The following PTK7 variants were observed in gnomAD, a reference collection of about 807,000 sequenced individuals.
PTK7 encodes protein tyrosine kinase 7 (inactive), also known as inactive tyrosine-protein kinase 7.
In PTK7, 39 loss-of-function variants were observed where a neutral mutation model predicts 116.6. That is an observed-to-expected ratio of 0.33 (90% confidence interval 0.26 to 0.44). PTK7 has a LOEUF of 0.44. Among genes scored for constraint, PTK7 ranks in the 20% least tolerant of loss-of-function variants. PTK7 has a pLI of 1.00. For synonymous variants in PTK7, 546 were observed against 563.6 expected, an observed-to-expected ratio of 0.97 and a Z score of 0.44; for missense variants, 1,169 against 1,425.6, an observed-to-expected ratio of 0.82 and a Z score of 2.90.
intron 1 of PTK7, among the ~76,000 whole-genome samples, chr6:43,078,668 C>T (rs966734891): frequency 6.6e-6 from 1 of 152,112 alleles, no homozygotes; most frequent in Non-Finnish European, 1.5e-5. Flanking sequence ...TGGATTAGAC[C>T]ATTTTAAAGT....
chr6:43,141,443 C>T lies in PTK7; in HGVS notation c.1619-225C>T, dbSNP rs1423953789. ...CCCAAACAGAGTCCGGTTTGGCAGACGTGGAATGTCACACAGGGCAGTAGG... is the reference window on the plus strand; with the variant it reads ...CCCAAACAGAGTCCGGTTTGGCAGATGTGGAATGTCACACAGGGCAGTAGG... On this transcript the variant is annotated intron_variant, in intron 10 of 19. Coordinates refer to ENST00000230419, the MANE Select transcript of PTK7 (RefSeq NM_002821.5). The surrounding 1 kb of genome is among the most constrained non-coding windows in gnomAD (Gnocchi z 4.9). Among the ~76,000 whole-genome samples, 1 of 151,934 alleles carries T rather than the reference C, an allele frequency of 6.6e-6. No homozygotes were observed. Among genetic ancestry groups the T allele is most frequent in the East Asian group, 1.9e-4 (1 of 5,172 alleles).
At chr6:43,112,810 T>C (rs1768266950) in intron 1 of PTK7, among the ~76,000 whole-genome samples, 1 of 152,104 alleles carries the variant, frequency 6.6e-6, no homozygotes, top group East Asian at 1.9e-4. Flanking sequence ...GTGGCTGGCA[T>C]CAAAGTCAAA....
rs1002650327 is a variant in PTK7, at chr6:43,129,513, G to A, written c.368-214G>A. The A allele has an allele frequency of 2.1e-5, 15 of 703,446 alleles. No homozygotes were observed. The highest frequency in any genetic ancestry group is 4.0e-4 in the Middle Eastern group (1 of 2,520). The allele number at this position is 703,446 out of a possible 1,614,324, so 43.6% of individuals were successfully genotyped here. A position where few individuals can be genotyped will look rare whatever the true frequency, so the allele number is the denominator to read the frequency against. Reference sequence around the variant, plus strand: ...GCTTGTGCAAATGGAAAGGGCGGCCGAGCCCTTGGCCAAGTGTCAGACTTG... The same window carrying A: ...GCTTGTGCAAATGGAAAGGGCGGCCAAGCCCTTGGCCAAGTGTCAGACTTG... On this transcript the variant is annotated intron_variant, in intron 2 of 19. Transcript: ENST00000230419. The surrounding 1 kb of genome is among the most constrained non-coding windows in gnomAD (Gnocchi z 4.5).
intron 17 of PTK7, among the ~76,000 whole-genome samples, chr6:43,151,121 A>C (rs1171207983): frequency 6.6e-6 from 1 of 151,666 alleles, no homozygotes; most frequent in Non-Finnish European, 1.5e-5. Context: ...GTGCCCAGCC[A>C]GACTCTGCTT....
In PTK7 at chr6:43,145,478, G is replaced by T. The variant is rs1032167982; in HGVS notation, c.2640+46G>T. 4 of 1,454,600 alleles carry T rather than the reference G, an allele frequency of 2.7e-6. No homozygotes were observed. In the African/African-American group the frequency reaches 5.6e-5, roughly 20 times the overall value. The allele number at this position is 1,454,600 out of a possible 1,614,324, so 90.1% of individuals were successfully genotyped here. A position where few individuals can be genotyped will look rare whatever the true frequency, so the allele number is the denominator to read the frequency against. ...GTGGGGGTCTCGGGTAGGGAGGGCA[G>T]TGTCCTACAAAGGTGGGAGTCAGTG... On this transcript the variant is annotated intron_variant, in intron 16 of 19. Coordinates refer to ENST00000230419, the MANE Select transcript of PTK7 (RefSeq NM_002821.5). This position sits in a 1 kb window ranked among gnomAD's most constrained non-coding sequence, Gnocchi z 4.8.
chr6:43,130,524 C>T lies in PTK7; in HGVS notation c.675C>T (p.Ala225=). 1 of 1,613,800 alleles carries T rather than the reference C, an allele frequency of 6.2e-7. No individual in the cohort carries two copies. ...FTLSIADESF[A]RVVLAPQDVV... The stretch of plus-strand genomic sequence containing the variant: ...TTCCCTCTCCAGATGAAAGCTTTGC[C>T]AGGGTGGTGCTGGCACCCCAGGACG... The change falls in exon 5 of 20, where the codon GCC becomes GCT. Residue 225 remains alanine (A), a synonymous_variant. Transcript: ENST00000230419.
chr6:43,155,278 C>T (rs187716193), intron 17 of PTK7, among the ~76,000 whole-genome samples: 1 of 152,292 alleles, frequency 6.6e-6, no homozygotes, highest in African/African-American at 2.4e-5. Flanking sequence ...CTACCCCACC[C>T]TCTTGAGTAG....
chr6:43,153,098 A>G (rs1260609807), intron 17 of PTK7, among the ~76,000 whole-genome samples: 1 of 142,082 alleles, frequency 7.0e-6, no homozygotes, highest in Non-Finnish European at 1.5e-5. Context: ...AGTTTTATTT[A>G]ATGTATTTTA....
chr6:43,118,739 ATG>A (rs1165662725), intron 1 of PTK7, among the ~76,000 whole-genome samples: 2 of 123,478 alleles, frequency 1.6e-5, no homozygotes, highest in African/African-American at 3.6e-5. Context: ...ATATGTATAT[ATG>A]TGTGTGTATG....
At chr6:43,130,094 G>T in intron 3 of PTK7, 136 bp from the exon 4 acceptor site, 1 of 952,808 alleles carries the variant, frequency 1.0e-6, no homozygotes, top group Admixed American at 2.3e-5. Flanking sequence ...GTGCCCTTTT[G>T]CAAGTCCCTT....
chr6:43,140,113 CAAAA>C (rs1770302284), intron 10 of PTK7, among the ~76,000 whole-genome samples: 1 of 151,092 alleles, frequency 6.6e-6, no homozygotes, highest in East Asian at 2.0e-4. Flanking sequence ...GACTCTGACT[CAAAA>C]GAAAAAAGAA....
In PTK7 at chr6:43,145,043, T is replaced by A; in HGVS notation, c.2408-157T>A. On this transcript the variant is annotated intron_variant, in intron 15 of 19. Transcript: ENST00000230419. The surrounding 1 kb of genome is among the most constrained non-coding windows in gnomAD (Gnocchi z 4.8). ...CCTTTTATTTTGTTGCTGCAGACAC[T>A]GAAGCCTAAGGAGGGAGGGGGTCAC... 1 of 565,696 alleles carries A rather than the reference T, an allele frequency of 1.8e-6. No individual in the cohort carries two copies. The highest frequency in any genetic ancestry group is 3.3e-5 in the South Asian group (1 of 30,242). The allele number at this position is 565,696 out of a possible 1,614,324, so 35.0% of individuals were successfully genotyped here.
chr6:43,160,458 T>A (rs1771780172), intron 19 of PTK7, among the ~76,000 whole-genome samples: 1 of 152,142 alleles, frequency 6.6e-6, no homozygotes, highest in African/African-American at 2.4e-5. Context: ...GTAAATAGCC[T>A]TTGCCCCCAG....
intron 19 of PTK7, 88 bp from the exon 20 acceptor site, chr6:43,160,633 G>T: frequency 6.6e-7 from 1 of 1,523,700 alleles, no homozygotes; most frequent in Non-Finnish European, 8.9e-7. Context: ...TCCTTGGGTG[G>T]CTGCTTGTAT....
chr6:43,121,216 C>G (rs1006568619), intron 1 of PTK7, among the ~76,000 whole-genome samples: 1 of 152,096 alleles, frequency 6.6e-6, no homozygotes. Context: ...CATGTGATGC[C>G]GGACCCAAGG....
At chr6:43,146,478 C>A in intron 16 of PTK7, 140 bp from the exon 17 acceptor site, 1 of 690,496 alleles carries the variant, frequency 1.4e-6, no homozygotes, top group Non-Finnish European at 2.5e-6. Context: ...GTGAACTTCC[C>A]CCTGGGAAAG....
At chr6:43,116,604 T>TTGTGTGTGTGTGTGTGTGTGTG (rs751605217) in intron 1 of PTK7, among the ~76,000 whole-genome samples, 1 of 119,086 alleles carries the variant, frequency 8.4e-6, no homozygotes, top group African/African-American at 3.5e-5. Context: ...AAAAGCTGGT[T>TTGTGTGTGTGTGTGTGTGTGTG]TGTGTGTGTG....
At position 43,136,017 on chromosome 6, in the gene PTK7, G is replaced by A. The variant is rs151212753; in HGVS notation, c.1229-2832G>A. Among the ~76,000 whole-genome samples the A allele has an allele frequency of 5.3e-3, 809 of 152,282 alleles. 8 individuals are homozygous for A. Among genetic ancestry groups the A allele is most frequent in the African/African-American group, 0.017 (690 of 41,566 alleles). On this transcript the variant is annotated intron_variant, in intron 7 of 19. Transcript: ENST00000230419. ...AGCCTGACCAACGTGCTGAAACCCC[G>A]TCTCTACTAAAAATACAAAAATTAG...
intron 1 of PTK7, among the ~76,000 whole-genome samples, chr6:43,079,052 C>G (rs574522879): frequency 1.3e-5 from 2 of 152,200 alleles, no homozygotes; most frequent in African/African-American, 4.8e-5. Flanking sequence ...AAATGATATA[C>G]TCAAACTCCT....
Sources: gnomAD v4.1 joint callset for allele counts (sites outside exome capture counted in the v4.1 genomes callset) on GRCh38, gnomAD v4.1.1 for gene constraint, Gnocchi (gnomAD v3.1) non-coding constraint, MANE v1.5 for transcripts, NCBI Gene and HGNC (gene_info 2026-07-23, HGNC 2026-07-21) for gene names.